ARHGEF28: variants seen among roughly 807,000 people sequenced by gnomAD.
ARHGEF28 encodes Rho guanine nucleotide exchange factor 28, also known as 190 kDa guanine nucleotide exchange factor.
Under a neutral mutation model 206.6 loss-of-function variants are expected in ARHGEF28, and 152 were observed. The observed-to-expected ratio is 0.74, with a 90% CI of 0.64 to 0.84. ARHGEF28 has a LOEUF of 0.84. Among genes scored for constraint, ARHGEF28 ranks in the 40% least tolerant of loss-of-function variants. ARHGEF28 has a pLI of 0.00. For missense variants in ARHGEF28, 2,028 were observed against 2,073.2 expected (o/e 0.98, Z 0.42); for synonymous variants, 763 against 776.4 (o/e 0.98, Z 0.29).
intron 29 of ARHGEF28, among the ~76,000 whole-genome samples, chr5:73,896,985 A>C (rs1008353248): frequency 6.6e-6 from 1 of 152,234 alleles, no homozygotes; most frequent in Non-Finnish European, 1.5e-5. Flanking sequence ...AAGATGGAGC[A>C]GGAGTTCTTA....
At chr5:73,771,623 G>A (rs1471145163) in intron 4 of ARHGEF28, among the ~76,000 whole-genome samples, 2 of 151,904 alleles carry the variant, frequency 1.3e-5, no homozygotes, top group Non-Finnish European at 2.9e-5. Context: ...TCCTGTGTTG[G>A]GGAGTACACA....
chr5:73,690,749 A>G (rs1747772448), intron 2 of ARHGEF28, among the ~76,000 whole-genome samples: 1 of 152,166 alleles, frequency 6.6e-6, no homozygotes, highest in African/African-American at 2.4e-5. Context: ...TCTTTCTGAA[A>G]TATCAGTTTA....
intron 9 of ARHGEF28, 200 bp downstream of exon 9, chr5:73,795,591 T>TA: frequency 2.0e-6 from 1 of 492,146 alleles, no homozygotes; most frequent in Non-Finnish European, 3.5e-6. Context: ...ATTTACAATC[T>TA]AAAAAACAAG....
intron 4 of ARHGEF28, among the ~76,000 whole-genome samples, chr5:73,759,013 C>A (rs969743843): frequency 6.6e-6 from 1 of 152,184 alleles, no homozygotes; most frequent in East Asian, 1.9e-4. Context: ...TTTTGGAACT[C>A]TTCTATAGGA....
chr5:73,922,433 G>C (rs1329529243), intron 35 of ARHGEF28, among the ~76,000 whole-genome samples: 1 of 152,244 alleles, frequency 6.6e-6, no homozygotes, highest in Non-Finnish European at 1.5e-5. Flanking sequence ...GACATCAGAA[G>C]TCAAGGAGCC....
intron 2 of ARHGEF28, among the ~76,000 whole-genome samples, chr5:73,717,787 G>A (rs558697105): frequency 2.6e-5 from 4 of 152,274 alleles, no homozygotes; most frequent in Admixed American, 6.5e-5. Flanking sequence ...GTTTATTATT[G>A]TATCAATCAG....
intron 2 of ARHGEF28, among the ~76,000 whole-genome samples, chr5:73,742,705 TC>T (rs1390957839): frequency 2.7e-5 from 4 of 150,608 alleles, no homozygotes; most frequent in African/African-American, 9.7e-5. Flanking sequence ...GCGCCTGTAG[TC>T]CCAGCTACTC....
At chr5:73,904,181 G>T (rs1383572451) in intron 31 of ARHGEF28, 41 bp from the exon 32 acceptor site, 1 of 1,605,344 alleles carries the variant, frequency 6.2e-7, no homozygotes, top group African/African-American at 1.3e-5. Flanking sequence ...CTTTTCAGAA[G>T]TAGAATGGTT....
rs921857571 is a variant in ARHGEF28 at position 73,694,513 on chromosome 5, A to G, written c.33+9629A>G. 7.9e-5 allele frequency among the ~76,000 whole-genome samples: 12 copies of G among 152,380 alleles called. No individual in the cohort carries two copies. The South Asian group carries it at 1.5e-3, about 18-fold the overall frequency. ...TACCATCTAAGTAAGGATTTTAGGC[A>G]TGATGGAAATGGGTTAGAGTTTTCT... On this transcript the variant is annotated intron_variant, in intron 2 of 35. Transcript: ENST00000513042.
intron 33 of ARHGEF28, among the ~76,000 whole-genome samples, chr5:73,907,106 T>C (rs1016817950): frequency 9.2e-5 from 14 of 152,194 alleles, no homozygotes; most frequent in Admixed American, 7.2e-4. Flanking sequence ...TTTAGTGTCT[T>C]AGGTTAGATG....
intron 2 of ARHGEF28, among the ~76,000 whole-genome samples, chr5:73,728,332 A>G (rs998141290): frequency 1.1e-4 from 17 of 152,220 alleles, no homozygotes; most frequent in African/African-American, 3.9e-4. Flanking sequence ...TAAATGGGTC[A>G]CAACTGGTGG....
chr5:73,783,047 G>A (rs1007075267), intron 7 of ARHGEF28, among the ~76,000 whole-genome samples: 2 of 152,032 alleles, frequency 1.3e-5, no homozygotes, highest in Non-Finnish European at 2.9e-5. Context: ...AGAACACTGA[G>A]GTCTAAAGGA....
At chr5:73,715,192 A>G (rs1749506646) in intron 2 of ARHGEF28, among the ~76,000 whole-genome samples, 1 of 152,240 alleles carries the variant, frequency 6.6e-6, no homozygotes, top group African/African-American at 2.4e-5. Context: ...GAAAAGAGAT[A>G]GGAACAACAG....
chr5:73,888,319 G>C (rs1431644038), intron 26 of ARHGEF28, among the ~76,000 whole-genome samples: 1 of 152,204 alleles, frequency 6.6e-6, no homozygotes, highest in Non-Finnish European at 1.5e-5. Flanking sequence ...CTAATTGCTA[G>C]CATATAGATA....
chr5:73,924,048 G>A (rs1763669330), intron 35 of ARHGEF28, among the ~76,000 whole-genome samples: 1 of 152,196 alleles, frequency 6.6e-6, no homozygotes, highest in Non-Finnish European at 1.5e-5. Context: ...ACATGTTCCT[G>A]TGAGGAACTG....
chr5:73,890,189 G>A (rs1334258072), intron 26 of ARHGEF28, among the ~76,000 whole-genome samples: 23 of 152,140 alleles, frequency 1.5e-4, no homozygotes, highest in Admixed American at 1.5e-3. Context: ...TGGTCTGATG[G>A]TGATCGAATG....
chr5:73,748,094 A>T (rs147465353), intron 2 of ARHGEF28, among the ~76,000 whole-genome samples: 1 of 152,316 alleles, frequency 6.6e-6, no homozygotes, highest in African/African-American at 2.4e-5. Context: ...CTCTTTAGAA[A>T]CCAGGAACAT....
chr5:73,887,777 G>A, intron 26 of ARHGEF28, 98 bp downstream of exon 26: 3 of 970,432 alleles, frequency 3.1e-6, no homozygotes, highest in Non-Finnish European at 4.5e-6. Context: ...ATAGTCACAG[G>A]GAAGTATATG....
chr5:73,667,418 T>C (rs1746024977), intron 1 of ARHGEF28, among the ~76,000 whole-genome samples: 1 of 152,210 alleles, frequency 6.6e-6, no homozygotes, highest in Non-Finnish European at 1.5e-5. Flanking sequence ...ACTGGGAAAC[T>C]AGCCCCAAGT....
Sources: gnomAD v4.1 joint callset for allele counts (sites outside exome capture counted in the v4.1 genomes callset) on GRCh38, gnomAD v4.1.1 for gene constraint, MANE v1.5 for transcripts, NCBI Gene and HGNC (gene_info 2026-07-23, HGNC 2026-07-21) for gene names.